The following RAI1 variants were observed in gnomAD, a reference collection of about 807,000 sequenced individuals.
The protein encoded by RAI1 is retinoic acid-induced protein 1.
A neutral mutation model predicts 123.8 loss-of-function variants in RAI1; 9 were observed. That is an observed-to-expected ratio of 0.07 (90% CI 0.04 to 0.13). The LOEUF (loss-of-function observed/expected upper bound fraction) is 0.13. Among genes scored for constraint, RAI1 ranks in the 10% least tolerant of loss-of-function variants. The probability of loss-of-function intolerance (pLI) is 1.00; values close to 1 mark genes in which losing one functional copy is unlikely to be tolerated. For missense variants in RAI1, 2,256 were observed against 2,545.8 expected (o/e 0.89, Z 2.45); for synonymous variants, 1,231 against 1,127.3 (o/e 1.09, Z -1.84).
At chr17:17,710,703 G>T (rs1294822944) in intron 1 of RAI1, among the ~76,000 whole-genome samples, 2 of 152,210 alleles carry the variant, frequency 1.3e-5, no homozygotes, top group Non-Finnish European at 2.9e-5. Context: ...TGGAGAAACT[G>T]AGGTAAAAAA....
chr17:17,722,172 C>G (rs375522645), intron 1 of RAI1, among the ~76,000 whole-genome samples: 49 of 152,268 alleles, frequency 3.2e-4, no homozygotes, highest in African/African-American at 1.1e-3. Context: ...CGAGCCAGGG[C>G]TGACACATCT....
intron 1 of RAI1, among the ~76,000 whole-genome samples, chr17:17,700,783 C>T (rs1213070730): frequency 6.6e-6 from 1 of 152,166 alleles, no homozygotes; most frequent in Non-Finnish European, 1.5e-5. Flanking sequence ...CGCTCGCCCG[C>T]TCCCCGGCGT....
intron 1 of RAI1, among the ~76,000 whole-genome samples, chr17:17,708,211 A>G (rs1915449758): frequency 6.6e-6 from 1 of 152,060 alleles, no homozygotes; most frequent in South Asian, 2.1e-4. Context: ...GGTCCTCTCC[A>G]AGTGTATATT....
intron 2 of RAI1, among the ~76,000 whole-genome samples, chr17:17,727,138 G>C (rs971537806): frequency 6.6e-6 from 1 of 152,228 alleles, no homozygotes; most frequent in African/African-American, 2.4e-5. Flanking sequence ...CCTGCAGTGG[G>C]AGAAACGGCT....
chr17:17,713,513 C>T lies in RAI1; in HGVS notation c.-148-10515C>T, dbSNP rs182380448. On this transcript the variant is annotated intron_variant, in intron 1 of 5. Transcript: ENST00000353383. Reference sequence around the variant, plus strand: ...AAATTTAGCTGGGCGTGGTGATACACGCCTGTAGTCCCAGCTACTCAAGAG... The same window carrying T: ...AAATTTAGCTGGGCGTGGTGATACATGCCTGTAGTCCCAGCTACTCAAGAG... Among the ~76,000 whole-genome samples the T allele has an allele frequency of 5.9e-4, 90 of 152,222 alleles. 1 individual carries two copies. The highest frequency in any genetic ancestry group is 5.4e-3 in the Admixed American group (82 of 15,284).
chr17:17,793,373 A>G lies in RAI1; in HGVS notation c.425A>G (p.Asp142Gly), dbSNP rs1222051439. ...CTACCTGCAGGGGTGGCCAAGTATG[A>G]TGAGAACTTGATGAAAAAGACAGCA... Reference protein sequence around the residue: ...QPLPAGVAKYDENLMKKTAVP... With the variant: ...QPLPAGVAKYGENLMKKTAVP... The change falls in exon 3 of 6, where the codon GAT becomes GGT. Residue 142 changes from aspartate (D) to glycine (G), a missense_variant. Physicochemically the swap from Asp to Gly is moderately conservative, Grantham distance 94. This residue lies in a region of RAI1 where 336 missense variants were observed against 349.8 expected (regional missense o/e 0.96). Transcript: ENST00000353383. 5 of 1,613,196 alleles carry G rather than the reference A, an allele frequency of 3.1e-6. No homozygotes were observed. Among genetic ancestry groups the G allele is most frequent in the Non-Finnish European group, 4.2e-6 (5 of 1,179,904 alleles).
intron 1 of RAI1, among the ~76,000 whole-genome samples, chr17:17,722,398 C>A (rs1047802576): frequency 6.6e-6 from 1 of 152,230 alleles, no homozygotes; most frequent in African/African-American, 2.4e-5. Flanking sequence ...CACCGTGGCC[C>A]TGCCCTGTGG....
rs2034249819 is a variant in RAI1 at position 17,793,092 on chromosome 17, G to A, written c.144G>A (p.Lys48=). Residue 48 remains lysine, a synonymous_variant, in exon 3 of 6, where the codon AAG becomes AAA. Coordinates refer to ENST00000353383, the MANE Select transcript of RAI1 (RefSeq NM_030665.4). ...GCGACCGGCAGCGGCTGCTCGCCAA[G>A]GACTATTATAACCCGCAGCCTTACC... ...LSCDRQRLLA[K]DYYNPQPYPS... The A allele has an allele frequency of 6.2e-7, 1 of 1,614,040 alleles. No individual in the cohort carries two copies. The highest frequency in any genetic ancestry group is 8.5e-7 in the Non-Finnish European group (1 of 1,180,044).
Position 17,799,828 on chromosome 17 carries a change from C to A in RAI1, c.5565+1315C>A, listed in dbSNP as rs560472129. On this transcript the variant is annotated intron_variant, in intron 3 of 5. Coordinates refer to ENST00000353383, the MANE Select transcript of RAI1 (RefSeq NM_030665.4). The surrounding 1 kb of genome is among the most constrained non-coding windows in gnomAD (Gnocchi z 4.5). ...TGCCCACCTGCTCCTCGCAGTACAC[C>A]CCTGCAGCCCCTCTGAGCAGCCCCT... Among the ~76,000 whole-genome samples, 67 of 152,288 alleles carry A rather than the reference C, an allele frequency of 4.4e-4. No homozygotes were observed. Among genetic ancestry groups the A allele is most frequent in the Non-Finnish European group, 8.5e-4 (58 of 68,004 alleles).
At chr17:17,700,193 C>T (rs1915170223) in intron 1 of RAI1, among the ~76,000 whole-genome samples, 1 of 152,248 alleles carries the variant, frequency 6.6e-6, no homozygotes, top group Non-Finnish European at 1.5e-5. Context: ...AGCACATCTG[C>T]TCTCTAGGTT....
rs530844746 is a variant in RAI1 at position 17,811,018 on chromosome 17, C to T, written c.*1037C>T. The T allele has an allele frequency of 1.1e-3, 343 of 314,942 alleles. No homozygotes were observed. Among genetic ancestry groups the T allele is most frequent in the Non-Finnish European group, 1.8e-3 (289 of 157,214 alleles). The allele number at this position is 314,942 out of a possible 1,614,324, so 19.5% of individuals were successfully genotyped here. ...AACAGAGCCCCAACCGGGCCTTTGCCGGGTAAGGGGCTACCGCGACGCCAC... is the reference window on the plus strand; with the variant it reads ...AACAGAGCCCCAACCGGGCCTTTGCTGGGTAAGGGGCTACCGCGACGCCAC... On this transcript the variant is annotated 3_prime_UTR_variant, in exon 6 of 6. Transcript: ENST00000353383.
At chr17:17,781,269 A>AC (rs780034201) in intron 2 of RAI1, among the ~76,000 whole-genome samples, 17 of 152,048 alleles carry the variant, frequency 1.1e-4, no homozygotes, top group Non-Finnish European at 1.6e-4. Flanking sequence ...AGGGAGTCTT[A>AC]CCCCACCTCC....
chr17:17,776,808 C>G (rs562788059), intron 2 of RAI1: 1 of 151,916 alleles, frequency 6.6e-6, no homozygotes, highest in East Asian at 1.9e-4. Context: ...GGACCGCAGG[C>G]AAACACCACC....
intron 2 of RAI1, among the ~76,000 whole-genome samples, chr17:17,761,548 A>G (rs76603491): frequency 0.027 from 4,091 of 152,254 alleles, 179 homozygotes; most frequent in African/African-American, 0.093. Context: ...TAGGGCAGGC[A>G]TCAGTTGGAA....
intron 2 of RAI1, among the ~76,000 whole-genome samples, chr17:17,734,952 G>C (rs554398051): frequency 6.6e-6 from 1 of 152,328 alleles, no homozygotes; most frequent in Non-Finnish European, 1.5e-5. Context: ...GAATCTGTTT[G>C]AAATCTCAAC....
At chr17:17,703,268 C>T (rs546866751) in intron 1 of RAI1, among the ~76,000 whole-genome samples, 1 of 152,284 alleles carries the variant, frequency 6.6e-6, no homozygotes, top group African/African-American at 2.4e-5. Context: ...GGAGGACAGC[C>T]GCGCCCCCTA....
intron 2 of RAI1, among the ~76,000 whole-genome samples, chr17:17,765,465 G>T (rs568627277): frequency 6.6e-6 from 1 of 152,244 alleles, no homozygotes; most frequent in African/African-American, 2.4e-5. Context: ...GATGAAAATC[G>T]TGTAAAGCAA....
chr17:17,687,821 G>C (rs1432989373), intron 1 of RAI1, among the ~76,000 whole-genome samples: 2 of 151,968 alleles, frequency 1.3e-5, no homozygotes, highest in Non-Finnish European at 2.9e-5. Context: ...CTTGAGGTCA[G>C]GAGTTTGAGA....
intron 1 of RAI1, chr17:17,684,841 G>A (rs936035924): frequency 6.6e-6 from 1 of 151,882 alleles, no homozygotes; most frequent in Non-Finnish European, 1.5e-5. Context: ...TGGTTGTGTG[G>A]CGAAGTCCTT....
Sources: allele counts gnomAD v4.1 joint callset (sites outside exome capture counted in the v4.1 genomes callset), GRCh38; gene constraint gnomAD v4.1.1; regional missense constraint gnomAD v4.1.1; non-coding constraint Gnocchi (gnomAD v3.1); transcripts MANE v1.5; gene names NCBI Gene and HGNC (gene_info 2026-07-23, HGNC 2026-07-21).